GRM5: variants seen among roughly 807,000 people sequenced by gnomAD.
The protein encoded by GRM5 is glutamate metabotropic receptor 5.
In GRM5, 19 loss-of-function variants were observed where a neutral mutation model predicts 83.1. That is an observed-to-expected ratio of 0.23 (90% CI 0.16 to 0.34). The LOEUF is 0.34. GRM5 is among the 10% of genes least tolerant of loss of function. GRM5 has a pLI of 1.00. For synonymous variants in GRM5, 675 were observed against 633.6 expected (o/e 1.07, Z -0.98); for missense variants, 1,160 against 1,588.3 (o/e 0.73, Z 4.58).
At chr11:88,708,872 C>G (rs540827111) in intron 3 of GRM5, among the ~76,000 whole-genome samples, 1 of 151,976 alleles carries the variant, frequency 6.6e-6, no homozygotes, top group African/African-American at 2.4e-5. Context: ...TCCTAGGAGC[C>G]TAATACGAAC....
At chr11:88,745,724 G>T (rs1251575641) in intron 3 of GRM5, among the ~76,000 whole-genome samples, 1 of 152,190 alleles carries the variant, frequency 6.6e-6, no homozygotes, top group Non-Finnish European at 1.5e-5. Flanking sequence ...CTCACAGATT[G>T]TTGGCAGAGA....
intron 2 of GRM5, among the ~76,000 whole-genome samples, chr11:88,865,469 C>G (rs993141012): frequency 6.6e-6 from 1 of 152,074 alleles, no homozygotes; most frequent in Admixed American, 6.6e-5. Context: ...AGAAGAAAAC[C>G]TAGGCAATAC....
At chr11:89,060,228 A>G (rs1941961126) in intron 1 of GRM5, among the ~76,000 whole-genome samples, 1 of 151,850 alleles carries the variant, frequency 6.6e-6, no homozygotes, top group Admixed American at 6.6e-5. Context: ...ATGTATATAT[A>G]TTTCCATTAT....
intron 3 of GRM5, among the ~76,000 whole-genome samples, chr11:88,779,461 G>A (rs537017852): frequency 2.6e-5 from 4 of 152,250 alleles, no homozygotes; most frequent in South Asian, 2.1e-4. Flanking sequence ...AAGGAGCACC[G>A]TCGAGTCTAG....
chr11:88,625,976 T>C (rs552753238), intron 4 of GRM5, among the ~76,000 whole-genome samples: 4 of 152,148 alleles, frequency 2.6e-5, no homozygotes, highest in South Asian at 2.1e-4. Flanking sequence ...GGCAGTGAGC[T>C]CTAAGAAATG....
At chr11:88,762,548 C>G (rs1942544840) in intron 3 of GRM5, among the ~76,000 whole-genome samples, 1 of 151,790 alleles carries the variant, frequency 6.6e-6, no homozygotes, top group East Asian at 1.9e-4. Flanking sequence ...GGCAAGGTTC[C>G]TTAGAAAAGG....
intron 2 of GRM5, among the ~76,000 whole-genome samples, chr11:88,862,124 T>G (rs1352095676): frequency 2.6e-5 from 4 of 152,162 alleles, no homozygotes; most frequent in Admixed American, 2.0e-4. Context: ...TAAGATATAT[T>G]ATCAAGGACA....
chr11:88,940,250 A>T (rs1938043953), intron 2 of GRM5, among the ~76,000 whole-genome samples: 2 of 150,250 alleles, frequency 1.3e-5, no homozygotes, highest in Admixed American at 6.7e-5. Flanking sequence ...AACATTATTT[A>T]AGTGGCCCAT....
chr11:88,621,632 C>A (rs1309398956), intron 4 of GRM5, among the ~76,000 whole-genome samples: 1 of 152,066 alleles, frequency 6.6e-6, no homozygotes, highest in Non-Finnish European at 1.5e-5. Context: ...TTAACACTTT[C>A]CATCTTTGAA....
rs193020758 is a variant in GRM5 at position 89,005,709 on chromosome 11, T to G, written c.661+41503A>C. Among the ~76,000 whole-genome samples, 3 of 152,306 alleles carry G rather than the reference T, an allele frequency of 2.0e-5. No individual in the cohort carries two copies. The East Asian group carries it at 5.8e-4, about 29-fold the overall frequency. ...CATTTAGGAGGTGATCAGTAAGGTA[T>G]TACCAGTAATGTAACGGTGGATGCC... On this transcript the variant is annotated intron_variant, in intron 2 of 9. Coordinates refer to ENST00000305447, the MANE Select transcript of GRM5 (RefSeq NM_001143831.3).
At chr11:88,886,476 C>T (rs896880462) in intron 2 of GRM5, among the ~76,000 whole-genome samples, 3 of 152,122 alleles carry the variant, frequency 2.0e-5, no homozygotes, top group African/African-American at 7.2e-5. Flanking sequence ...TGGCTGCCAG[C>T]CTTACAAGAC....
intron 2 of GRM5, among the ~76,000 whole-genome samples, chr11:88,865,473 G>A (rs1030057368): frequency 6.6e-6 from 1 of 152,056 alleles, no homozygotes; most frequent in African/African-American, 2.4e-5. Flanking sequence ...GAAAACCTAG[G>A]CAATACCATT....
At chr11:88,671,905 T>C (rs1394881461) in intron 3 of GRM5, among the ~76,000 whole-genome samples, 1 of 152,076 alleles carries the variant, frequency 6.6e-6, no homozygotes, top group East Asian at 1.9e-4. Context: ...CACATCATGG[T>C]TTCTGTGCTC....
intron 8 of GRM5, among the ~76,000 whole-genome samples, chr11:88,535,457 A>C (rs1251420976): frequency 6.6e-6 from 1 of 152,240 alleles, no homozygotes; most frequent in Non-Finnish European, 1.5e-5. Context: ...CCAACATTTC[A>C]AAAACTGTGG....
intron 3 of GRM5, among the ~76,000 whole-genome samples, chr11:88,748,739 C>T (rs921767567): frequency 6.6e-6 from 1 of 152,104 alleles, no homozygotes; most frequent in Non-Finnish European, 1.5e-5. Context: ...CCAGAAAAGA[C>T]ACTGGATGCC....
Position 88,885,450 on chromosome 11 carries a change from G to GGTTTTTTTTTTTTTTTTTTTTTTTT in GRM5, c.662-35296_662-35295insAAAAAAAAAAAAAAAAAAAAAAAAC, listed in dbSNP as rs1945027301. On this transcript the variant is annotated intron_variant, in intron 2 of 9. Coordinates refer to ENST00000305447, the MANE Select transcript of GRM5 (RefSeq NM_001143831.3). ...TTCTGAATTCTATAGTAGGTACCAT[G>GGTTTTTTTTTTTTTTTTTTTTTTTT]TTTTTTTTTTTTTTTTTTTTTTTTT... 2.1e-4 allele frequency among the ~76,000 whole-genome samples: 13 copies of GGTTTTTTTTTTTTTTTTTTTTTTTT among 62,666 alleles called. 4 individuals are homozygous for GGTTTTTTTTTTTTTTTTTTTTTTTT. Among genetic ancestry groups the GGTTTTTTTTTTTTTTTTTTTTTTTT allele is most frequent in the Non-Finnish European group, 1.2e-4 (4 of 32,248 alleles). 41.1% of individuals were successfully genotyped at this position (62,666 alleles called of 152,430 possible).
intron 4 of GRM5, among the ~76,000 whole-genome samples, chr11:88,614,360 T>G (rs1938411560): frequency 6.6e-6 from 1 of 152,188 alleles, no homozygotes; most frequent in Non-Finnish European, 1.5e-5. Flanking sequence ...TGGCACAAGA[T>G]GCTTCCTAAG....
At chr11:88,880,963 GA>G (rs759934156) in intron 2 of GRM5, among the ~76,000 whole-genome samples, 79 of 152,198 alleles carry the variant, frequency 5.2e-4, no homozygotes, top group South Asian at 1.0e-3. Flanking sequence ...TATAGGTCAA[GA>G]AGGACACAAC....
chr11:88,645,385 T>C (rs1488577998), intron 4 of GRM5, among the ~76,000 whole-genome samples: 2 of 152,140 alleles, frequency 1.3e-5, no homozygotes, highest in Non-Finnish European at 2.9e-5. Context: ...GATACATGTC[T>C]TGAAGTGGAC....
Sources: allele counts gnomAD v4.1 joint callset (sites outside exome capture counted in the v4.1 genomes callset), GRCh38; gene constraint gnomAD v4.1.1; transcripts MANE v1.5; gene names NCBI Gene and HGNC (gene_info 2026-07-23, HGNC 2026-07-21).